CSGALNACT1: variants seen among roughly 807,000 people sequenced by gnomAD.
The protein encoded by CSGALNACT1 is chondroitin sulfate N-acetylgalactosaminyltransferase 1.
A neutral mutation model predicts 51.0 loss-of-function variants in CSGALNACT1; 52 were observed. That is an observed-to-expected ratio of 1.02 (90% CI 0.82 to 1.29). CSGALNACT1 has a LOEUF of 1.29. Among genes scored for constraint, CSGALNACT1 ranks in the 50% most tolerant of loss-of-function variants. CSGALNACT1 has a pLI of 0.00. For synonymous variants in CSGALNACT1, 341 were observed against 254.4 expected (o/e 1.34, Z -3.24); for missense variants, 935 against 679.2 (o/e 1.38, Z -4.19).
rs536857448 is a variant in CSGALNACT1 at position 19,540,542 on chromosome 8, G to T, written c.-296-34412C>A. Among the ~76,000 whole-genome samples, 14 of 152,250 alleles carry T rather than the reference G, an allele frequency of 9.2e-5. No homozygotes were observed. The South Asian group carries it at 2.9e-3, about 32-fold the overall frequency. On this transcript the variant is annotated intron_variant, in intron 3 of 9. Transcript: ENST00000454498. ...ATTATAACTTAGCAGAGACCCTTAT[G>T]TATCAGTAAGAGACTGGAAGGAAAA...
At chr8:19,600,885 A>T (rs2050270749) in intron 2 of CSGALNACT1, among the ~76,000 whole-genome samples, 1 of 151,528 alleles carries the variant, frequency 6.6e-6, no homozygotes, top group Non-Finnish European at 1.5e-5. Context: ...TGTTAAATGA[A>T]GGAGGAAGGT....
intron 1 of CSGALNACT1, among the ~76,000 whole-genome samples, chr8:19,656,938 T>A (rs1339795316): frequency 6.6e-6 from 1 of 151,808 alleles, no homozygotes; most frequent in African/African-American, 2.4e-5. Flanking sequence ...TGGTGGCACA[T>A]GCCTGTAGTC....
At chr8:19,578,065 G>A (rs1371638557) in intron 3 of CSGALNACT1, among the ~76,000 whole-genome samples, 1 of 152,204 alleles carries the variant, frequency 6.6e-6, no homozygotes, top group Non-Finnish European at 1.5e-5. Context: ...CAGATGGGCT[G>A]GAACATGTTC....
At chr8:19,563,572 T>A (rs1475230779) in intron 3 of CSGALNACT1, among the ~76,000 whole-genome samples, 2 of 152,192 alleles carry the variant, frequency 1.3e-5, no homozygotes, top group Non-Finnish European at 2.9e-5. Flanking sequence ...CCCATTCTGA[T>A]GGTCACCATC....
intron 4 of CSGALNACT1, among the ~76,000 whole-genome samples, chr8:19,500,132 T>C (rs951938337): frequency 1.3e-5 from 2 of 152,120 alleles, no homozygotes; most frequent in Admixed American, 1.3e-4. Context: ...GAACCTTCTA[T>C]CACACAGGCC....
At chr8:19,506,442 T>A (rs1270688514) in intron 3 of CSGALNACT1, among the ~76,000 whole-genome samples, 2 of 152,218 alleles carry the variant, frequency 1.3e-5, no homozygotes, top group African/African-American at 4.8e-5. Flanking sequence ...AATTTCTGCA[T>A]AGTGGCGCAA....
At chr8:19,574,469 C>T (rs1037535800) in intron 3 of CSGALNACT1, among the ~76,000 whole-genome samples, 6 of 152,202 alleles carry the variant, frequency 3.9e-5, no homozygotes, top group African/African-American at 1.4e-4. Flanking sequence ...TCACAAGAGG[C>T]TCACCTATCA....
intron 1 of CSGALNACT1, among the ~76,000 whole-genome samples, chr8:19,644,311 AT>A (rs372128258): frequency 0.011 from 1,633 of 151,130 alleles, 30 homozygotes; most frequent in African/African-American, 0.037. Flanking sequence ...GATTTTCTAC[AT>A]TTTCCATAAT....
intron 3 of CSGALNACT1, among the ~76,000 whole-genome samples, chr8:19,560,130 C>T (rs563640183): frequency 3.1e-4 from 47 of 152,254 alleles, no homozygotes; most frequent in Admixed American, 7.8e-4. Context: ...GTAACCTGCA[C>T]GGACCTTGGG....
At chr8:19,732,300 T>G (rs574649418) in intron 1 of CSGALNACT1, among the ~76,000 whole-genome samples, 1 of 152,366 alleles carries the variant, frequency 6.6e-6, no homozygotes, top group African/African-American at 2.4e-5. Context: ...AAAGAGCTTC[T>G]TAACAGTATT....
chr8:19,731,639 C>T (rs1004847595), intron 1 of CSGALNACT1, among the ~76,000 whole-genome samples: 4 of 152,168 alleles, frequency 2.6e-5, no homozygotes, highest in South Asian at 2.1e-4. Context: ...TAAAAATAAG[C>T]TCCTGAAAGA....
Position 19,420,231 on chromosome 8 carries a change from C to T in CSGALNACT1, c.1132+109G>A, listed in dbSNP as rs868516173. ...CCTTTTCTTTGCTATTGAAGTAAAA[C>T]AGGCTGATTCAGAAGCAGGACATCA... On this transcript the variant is annotated intron_variant, in intron 7 of 9. Transcript: ENST00000454498. 7.8e-5 allele frequency: 79 copies of T among 1,016,590 alleles called. 1 individual carries two copies. In the Middle Eastern group the frequency reaches 5.3e-3, roughly 68 times the overall value. The allele number at this position is 1,016,590 out of a possible 1,614,324, so 63.0% of individuals were successfully genotyped here.
chr8:19,532,536 G>A (rs1462958476), intron 3 of CSGALNACT1, among the ~76,000 whole-genome samples: 2 of 152,102 alleles, frequency 1.3e-5, no homozygotes, highest in African/African-American at 2.4e-5. Context: ...CACCACAGCT[G>A]CCATTATAGT....
At chr8:19,633,410 T>C (rs1396610785) in intron 1 of CSGALNACT1, among the ~76,000 whole-genome samples, 1 of 152,194 alleles carries the variant, frequency 6.6e-6, no homozygotes, top group East Asian at 1.9e-4. Context: ...AAAGAAGATA[T>C]GTTAAAGTCT....
intron 1 of CSGALNACT1, among the ~76,000 whole-genome samples, chr8:19,667,687 A>G (rs745749288): frequency 6.6e-6 from 1 of 152,224 alleles, no homozygotes; most frequent in Non-Finnish European, 1.5e-5. Context: ...TCAGATCAGG[A>G]GAGCTTTCAA....
chr8:19,589,485 C>A (rs576943821), intron 3 of CSGALNACT1, among the ~76,000 whole-genome samples: 46 of 152,268 alleles, frequency 3.0e-4, no homozygotes, highest in African/African-American at 1.0e-3. Context: ...ACCACCACAT[C>A]TGGCTAATTT....
intron 1 of CSGALNACT1, among the ~76,000 whole-genome samples, chr8:19,666,418 GGT>G (rs2059175383): frequency 6.6e-6 from 1 of 152,070 alleles, no homozygotes; most frequent in Admixed American, 6.6e-5. Context: ...TTCTCAGCCA[GGT>G]GTGGTTGCTC....
chr8:19,700,417 A>G (rs1184952288), intron 1 of CSGALNACT1, among the ~76,000 whole-genome samples: 1 of 152,188 alleles, frequency 6.6e-6, no homozygotes, highest in East Asian at 1.9e-4. Context: ...AAATCAGGCT[A>G]ATAGCCTTCC....
intron 1 of CSGALNACT1, among the ~76,000 whole-genome samples, chr8:19,656,527 C>G (rs2058286566): frequency 6.6e-6 from 1 of 151,576 alleles, no homozygotes; most frequent in Non-Finnish European, 1.5e-5. Context: ...TGAATTTACA[C>G]TTAAAACACA....
Sources: gnomAD v4.1 joint callset for allele counts (sites outside exome capture counted in the v4.1 genomes callset) on GRCh38, gnomAD v4.1.1 for gene constraint, MANE v1.5 for transcripts, NCBI Gene and HGNC (gene_info 2026-07-23, HGNC 2026-07-21) for gene names.